Variants in CACNA1B observed in about 807,000 individuals in gnomAD.
CACNA1B encodes the protein voltage-dependent N-type calcium channel subunit alpha-1B.
CACNA1B carries 70 observed loss-of-function variants against 247.2 expected under a neutral mutation model. That is an observed-to-expected ratio of 0.28 (90% confidence interval 0.23 to 0.35). The LOEUF (loss-of-function observed/expected upper bound fraction) is 0.35, where lower values mean the gene tolerates loss of function less well. Among genes scored for constraint, CACNA1B ranks in the 10% least tolerant of loss-of-function variants. The probability of loss-of-function intolerance (pLI) is 1.00; values close to 1 mark genes in which losing one functional copy is unlikely to be tolerated. For synonymous variants in CACNA1B, 1,231 were observed against 1,294.4 expected (o/e 0.95, Z 1.05); for missense variants, 2,367 against 3,197.4 (o/e 0.74, Z 6.26).
chr9:137,878,250 G>T, intron 1 of CACNA1B, 33 bp downstream of exon 1: 1 of 1,208,782 alleles, frequency 8.3e-7, no homozygotes, highest in East Asian at 3.2e-5. Context: ...GCGGGGCCGG[G>T]CGGGGACCGG....
Position 138,059,803 on chromosome 9 carries a change from C to T in CACNA1B, c.4668+66C>T, listed in dbSNP as rs1564265788. 1 of 890,936 alleles carries T rather than the reference C, an allele frequency of 1.1e-6. No individual in the cohort carries two copies. The highest frequency in any genetic ancestry group is 1.9e-6 in the Non-Finnish European group (1 of 525,486). 55.2% of individuals were successfully genotyped at this position (890,936 alleles called of 1,614,324 possible). A position where few individuals can be genotyped will look rare whatever the true frequency, so the allele number is the denominator to read the frequency against. The stretch of plus-strand genomic sequence containing the variant: ...GTTTCCTTCTAGAGCCTGCTCCCCT[C>T]AGTGCATCTCCAGGCCCTGTGTTAG... On this transcript the variant is annotated intron_variant, in intron 31 of 46. Transcript: ENST00000371372. This position sits in a 1 kb window ranked among gnomAD's most constrained non-coding sequence, Gnocchi z 4.2.
rs201366929 is a variant in CACNA1B at position 138,102,819 on chromosome 9, C to G, written c.5319+12C>G. On this transcript the variant is annotated intron_variant, in intron 38 of 46. Coordinates refer to ENST00000371372, the MANE Select transcript of CACNA1B (RefSeq NM_000718.4). The surrounding 1 kb of genome is among the most constrained non-coding windows in gnomAD (Gnocchi z 5.4). ...GAGTTGCTTACAAGGTAGACCCTGA[C>G]CCTGCAACCCGCCCCCCAGGAGGCT... The G allele has an allele frequency of 3.7e-5, 58 of 1,552,876 alleles. No individual in the cohort carries two copies. Among genetic ancestry groups the G allele is most frequent in the Non-Finnish European group, 5.1e-5 (58 of 1,127,198 alleles).
At chr9:137,925,953 G>A (rs1357282580) in intron 6 of CACNA1B, among the ~76,000 whole-genome samples, 1 of 144,178 alleles carries the variant, frequency 6.9e-6, no homozygotes, top group Non-Finnish European at 1.5e-5. Context: ...ACGGGATTTC[G>A]CCATGTTGGC....
chr9:138,087,410 GA>G (rs1206209496), intron 36 of CACNA1B, among the ~76,000 whole-genome samples: 1 of 125,644 alleles, frequency 8.0e-6, no homozygotes, highest in Non-Finnish European at 1.7e-5. Flanking sequence ...AAAAGAAAAA[GA>G]AAAAAAAGAA....
At position 138,026,610 on chromosome 9, in the gene CACNA1B, T is replaced by C. The variant is rs117946647; in HGVS notation, c.3286+1438T>C. On this transcript the variant is annotated intron_variant, in intron 20 of 46. Transcript: ENST00000371372. ...TGTCTTTTTGTGGCTTGACAGCTCA[T>C]TTGTTTTAAGCGTTGGATTAATAGT... Among the ~76,000 whole-genome samples, 1,011 of 152,354 alleles carry C rather than the reference T, an allele frequency of 6.6e-3. 8 individuals are homozygous for C. Among genetic ancestry groups the C allele is most frequent in the Non-Finnish European group, 0.012 (818 of 68,036 alleles).
intron 6 of CACNA1B, among the ~76,000 whole-genome samples, chr9:137,922,347 A>G (rs1957496844): frequency 6.6e-6 from 1 of 151,168 alleles, no homozygotes; most frequent in South Asian, 2.1e-4. Flanking sequence ...ATCACACAGC[A>G]TCCTGGGAGC....
intron 11 of CACNA1B, among the ~76,000 whole-genome samples, chr9:137,972,730 C>T (rs1049782345): frequency 2.0e-5 from 3 of 152,180 alleles, no homozygotes; most frequent in African/African-American, 7.2e-5. Context: ...GGGTGGAACT[C>T]TGGGCTACAG....
chr9:138,119,539 C>A (rs553601526), intron 44 of CACNA1B, among the ~76,000 whole-genome samples: 1 of 152,190 alleles, frequency 6.6e-6, no homozygotes, highest in Non-Finnish European at 1.5e-5. Flanking sequence ...CGTGGCTCGT[C>A]TCCCATCCCA....
chr9:137,991,042 C>G (rs1311460464), intron 15 of CACNA1B, among the ~76,000 whole-genome samples: 1 of 152,058 alleles, frequency 6.6e-6, no homozygotes, highest in African/African-American at 2.4e-5. Context: ...TTAAACACCC[C>G]CAGAAGATCA....
intron 3 of CACNA1B, among the ~76,000 whole-genome samples, chr9:137,911,202 G>T (rs1307037836): frequency 6.6e-6 from 1 of 151,892 alleles, no homozygotes; most frequent in Admixed American, 6.5e-5. Flanking sequence ...ATTCTATTCC[G>T]TTGATCTAGC....
chr9:137,996,330 C>G (rs1243208358), intron 15 of CACNA1B, among the ~76,000 whole-genome samples: 3 of 152,166 alleles, frequency 2.0e-5, no homozygotes, highest in Admixed American at 1.3e-4. Flanking sequence ...TACTACTCAG[C>G]CCTAAAAAGA....
Position 137,971,585 on chromosome 9 carries a change from G to A in CACNA1B, c.1536G>A (p.Thr512=), listed in dbSNP as rs368953125. The A allele has an allele frequency of 6.8e-6, 11 of 1,612,478 alleles. No homozygotes were observed. The highest frequency in any genetic ancestry group is 4.5e-5 in the East Asian group (2 of 44,846). ...ACAACCAGCCGCGGCGGCTTACCACGACCCTGTGTACGTATCCCCGTCCCT... is the reference window on the plus strand; with the variant it reads ...ACAACCAGCCGCGGCGGCTTACCACAACCCTGTGTACGTATCCCCGTCCCT... ...VHYNQPRRLT[T]TLYFAEFVFL... Residue 512 remains threonine (T), a synonymous_variant, in exon 11 of 47, where the codon ACG becomes ACA. Transcript: ENST00000371372. This position sits in a 1 kb window ranked among gnomAD's most constrained non-coding sequence, Gnocchi z 4.4.
At chr9:137,940,879 A>G (rs1366107149) in intron 6 of CACNA1B, among the ~76,000 whole-genome samples, 1 of 152,134 alleles carries the variant, frequency 6.6e-6, no homozygotes, top group Non-Finnish European at 1.5e-5. Flanking sequence ...TATGATTAAA[A>G]CCCTCAGCAA....
rs941311114 is a variant in CACNA1B, at chr9:138,054,432, C to T, written c.3968+426C>T. On this transcript the variant is annotated intron_variant, in intron 26 of 46. Coordinates refer to ENST00000371372, the MANE Select transcript of CACNA1B (RefSeq NM_000718.4). This position sits in a 1 kb window ranked among gnomAD's most constrained non-coding sequence, Gnocchi z 4.6. ...TCAGAGCTTCCTGTGCCCAGCGCTGCCTCCAAAGTAGACAGGAGAGGGGCC... is the reference window on the plus strand; with the variant it reads ...TCAGAGCTTCCTGTGCCCAGCGCTGTCTCCAAAGTAGACAGGAGAGGGGCC... Among the ~76,000 whole-genome samples the T allele has an allele frequency of 1.3e-5, 2 of 152,194 alleles. No homozygotes were observed. The highest frequency in any genetic ancestry group is 6.5e-5 in the Admixed American group (1 of 15,284).
intron 6 of CACNA1B, among the ~76,000 whole-genome samples, chr9:137,921,730 G>A (rs1471393174): frequency 1.3e-5 from 2 of 149,556 alleles, no homozygotes; most frequent in African/African-American, 2.5e-5. Flanking sequence ...CATCCTGGGA[G>A]CAGAGTAAAG....
chr9:138,023,729 ACCACGGAGAAGGAGG>A lies in CACNA1B; in HGVS notation c.3003_3017del (p.Thr1002_Ala1006del), dbSNP rs758502874. 594 of 1,029,546 alleles carry A rather than the reference ACCACGGAGAAGGAGG, an allele frequency of 5.8e-4. 2 individuals carry two copies. The African/African-American group carries it at 0.019, about 33-fold the overall frequency. The allele number at this position is 1,029,546 out of a possible 1,614,324, so 63.8% of individuals were successfully genotyped here. A position where few individuals can be genotyped will look rare whatever the true frequency, so the allele number is the denominator to read the frequency against. ...TGCTCACGAGGCTGTGGAGAAGGAG[ACCACGGAGAAGGAGG>A]CCACGGAGAAGGAGGCTGAGATAGT... On this transcript the variant is annotated inframe_deletion, in exon 19 of 47. Coordinates refer to ENST00000371372, the MANE Select transcript of CACNA1B (RefSeq NM_000718.4).
intron 39 of CACNA1B, among the ~76,000 whole-genome samples, chr9:138,111,918 A>G (rs903170738): frequency 6.8e-6 from 1 of 146,822 alleles, no homozygotes; most frequent in African/African-American, 2.5e-5. Context: ...TTGCCTTGGC[A>G]CTTTGCACTC....
intron 11 of CACNA1B, among the ~76,000 whole-genome samples, 165 bp from the exon 12 acceptor site, chr9:137,975,742 C>T (rs539677340): frequency 6.6e-6 from 1 of 152,340 alleles, no homozygotes; most frequent in African/African-American, 2.4e-5. Context: ...CCCTCTGAAT[C>T]CATCGTTCCT....
intron 6 of CACNA1B, among the ~76,000 whole-genome samples, chr9:137,943,389 C>A (rs549075449): frequency 1.3e-5 from 2 of 152,228 alleles, no homozygotes; most frequent in South Asian, 4.1e-4. Flanking sequence ...ATTCTGAGAG[C>A]CTTAGCAACC....
Sources: allele counts gnomAD v4.1 joint callset (sites outside exome capture counted in the v4.1 genomes callset), GRCh38; gene constraint gnomAD v4.1.1; non-coding constraint Gnocchi (gnomAD v3.1); transcripts MANE v1.5; gene names NCBI Gene and HGNC (gene_info 2026-07-23, HGNC 2026-07-21).